PUM1: variants seen among roughly 807,000 people sequenced by gnomAD.
The protein encoded by PUM1 is pumilio homolog 1.
A neutral mutation model predicts 131.8 loss-of-function variants in PUM1; 13 were observed. The observed-to-expected ratio is 0.10, with a 90% confidence interval of 0.06 to 0.16. The LOEUF (loss-of-function observed/expected upper bound fraction) is 0.16, where lower values mean the gene tolerates loss of function less well. Ranked by LOEUF, PUM1 falls within the 10% of genes least tolerant of loss-of-function variation. The pLI, the probability that PUM1 is intolerant of heterozygous loss-of-function variation, is 1.00. For synonymous variants in PUM1, 509 were observed against 556.5 expected (o/e 0.91, Z 1.20); for missense variants, 961 against 1,512.4 (o/e 0.64, Z 6.05).
rs751812172 is a variant in PUM1, at chr1:31,005,954, C to G, written c.619G>C (p.Val207Leu). Residue 207 changes from valine to leucine, a missense_variant, in exon 5 of 22, where the codon GTA becomes CTA. Physicochemically the swap from Val to Leu is conservative, Grantham distance 32. Transcript: ENST00000426105. ...CCACTCTCCGATCGTGGGGACAGTA[C>G]AGAATTGACCTCACTGTTCACATGG... ...SFHVNSEVNS[V>L]LSPRSESGGL... The G allele has an allele frequency of 1.2e-6, 2 of 1,613,848 alleles. No homozygotes were observed. The highest frequency in any genetic ancestry group is 8.5e-7 in the Non-Finnish European group (1 of 1,179,914).
At chr1:31,060,727 A>T (rs1644348767) in intron 1 of PUM1, among the ~76,000 whole-genome samples, 1 of 151,884 alleles carries the variant, frequency 6.6e-6, no homozygotes, top group African/African-American at 2.4e-5. Context: ...CTCTACTGGA[A>T]ATACAAAAAT....
chr1:31,023,921 T>A, intron 3 of PUM1, among the ~76,000 whole-genome samples: 1 of 103,140 alleles, frequency 9.7e-6, no homozygotes. Flanking sequence ...CGAGACTCTG[T>A]CTCAAAAAAA....
chr1:30,987,829 G>A (rs983596428), intron 7 of PUM1, among the ~76,000 whole-genome samples: 7 of 152,106 alleles, frequency 4.6e-5, no homozygotes, highest in Non-Finnish European at 1.0e-4. Context: ...AATTATGATT[G>A]TAGACAACAA....
chr1:30,942,306 G>A (rs1639488398), intron 18 of PUM1, among the ~76,000 whole-genome samples, 183 bp from the exon 19 acceptor site: 1 of 147,462 alleles, frequency 6.8e-6, no homozygotes, highest in African/African-American at 2.6e-5. Context: ...AATAAGGTGT[G>A]TGTGTATCAA....
rs544969566 is a variant in PUM1, at chr1:31,023,289, A to G, written c.432+5507T>C. Among the ~76,000 whole-genome samples, 15 of 152,232 alleles carry G rather than the reference A, an allele frequency of 9.9e-5. No individual in the cohort carries two copies. The East Asian group carries it at 2.9e-3, about 29-fold the overall frequency. On this transcript the variant is annotated intron_variant, in intron 3 of 21. Transcript: ENST00000426105. ...ATTAATTTTTCATCCCTTCAGCAAG[A>G]AAGTCTATATGATTTTGCTGGCAGA...
chr1:31,059,098 G>A, intron 2 of PUM1, 106 bp downstream of exon 2: 1 of 1,292,320 alleles, frequency 7.7e-7, no homozygotes, highest in Non-Finnish European at 1.1e-6. Flanking sequence ...TGTACCAAAT[G>A]AAATCAGCAA....
intron 2 of PUM1, among the ~76,000 whole-genome samples, chr1:31,056,430 A>G (rs375241217): frequency 1.3e-5 from 2 of 151,322 alleles, no homozygotes; most frequent in South Asian, 2.1e-4. Context: ...ACAGGTGTGC[A>G]CCACCATGCC....
intron 7 of PUM1, among the ~76,000 whole-genome samples, chr1:30,984,852 T>C (rs1557570390): frequency 6.6e-6 from 1 of 152,128 alleles, no homozygotes; most frequent in Non-Finnish European, 1.5e-5. Context: ...AATTATGGCT[T>C]TTTTTTTCTA....
rs56936440 is a variant in PUM1, at chr1:30,999,606, C to CAAA, written c.721-4389_721-4387dup. 7.8e-4 allele frequency among the ~76,000 whole-genome samples: 42 copies of CAAA among 53,982 alleles called. 4 individuals carry two copies. The highest frequency in any genetic ancestry group is 2.5e-3 in the African/African-American group (36 of 14,450). The allele number at this position is 53,982 out of a possible 152,430, so 35.4% of individuals were successfully genotyped here. A position where few individuals can be genotyped will look rare whatever the true frequency, so the allele number is the denominator to read the frequency against. ...TGGGTGACAGAGCAAGACTCTGTCT[C>CAAA]AAAAAAAAAAAAAAAAAAAAAAAAA... On this transcript the variant is annotated intron_variant, in intron 5 of 21. Transcript: ENST00000426105.
intron 2 of PUM1, among the ~76,000 whole-genome samples, chr1:31,055,145 C>A (rs956502966): frequency 2.0e-5 from 3 of 152,206 alleles, no homozygotes; most frequent in African/African-American, 7.2e-5. Flanking sequence ...CCCTCTTACA[C>A]CTCCTATCCG....
rs529357214 is a variant in PUM1, at chr1:30,968,344, G to A, written c.1645+10C>T. On this transcript the variant is annotated intron_variant, in intron 11 of 21. Transcript: ENST00000426105. Reference sequence around the variant, plus strand: ...CTGCCAAAGTATTAGGAATAACAATGCAGCCGCACCTGGCATGCCTGCTGC... The same window carrying A: ...CTGCCAAAGTATTAGGAATAACAATACAGCCGCACCTGGCATGCCTGCTGC... 3.8e-6 allele frequency: 6 copies of A among 1,583,550 alleles called. No individual in the cohort carries two copies. The African/African-American group carries it at 5.4e-5, about 14-fold the overall frequency.
At chr1:30,968,069 T>A (rs548137660) in intron 11 of PUM1, 53 of 516,598 alleles carry the variant, frequency 1.0e-4, no homozygotes, top group Non-Finnish European at 1.7e-4. Flanking sequence ...ACTCCATCTA[T>A]CCCTGATTCT....
intron 7 of PUM1, among the ~76,000 whole-genome samples, chr1:30,991,222 A>G (rs975134703): frequency 6.6e-6 from 1 of 152,188 alleles, no homozygotes; most frequent in South Asian, 2.1e-4. Context: ...ACAGAGAGTC[A>G]ATTCATATGG....
chr1:31,017,912 G>T (rs1464786298), intron 3 of PUM1, among the ~76,000 whole-genome samples: 1 of 152,164 alleles, frequency 6.6e-6, no homozygotes, highest in Non-Finnish European at 1.5e-5. Flanking sequence ...GAAAGCAAAT[G>T]AATATTGGGA....
intron 14 of PUM1, among the ~76,000 whole-genome samples, chr1:30,960,245 TC>T (rs1640349620): frequency 1.3e-5 from 2 of 152,218 alleles, no homozygotes; most frequent in African/African-American, 2.4e-5. Context: ...CAGCTGAGCA[TC>T]CTAATATGAA....
chr1:30,940,612 T>C (rs932785570), intron 20 of PUM1, among the ~76,000 whole-genome samples: 2 of 152,216 alleles, frequency 1.3e-5, no homozygotes, highest in Admixed American at 1.3e-4. Flanking sequence ...ATATACAGTA[T>C]CTTCTCAGAA....
chr1:31,040,845 A>C lies in PUM1; in HGVS notation c.364-11981T>G, dbSNP rs1643791886. Among the ~76,000 whole-genome samples the C allele has an allele frequency of 1.3e-5, 2 of 152,204 alleles. 1 individual carries two copies. Among genetic ancestry groups the C allele is most frequent in the African/African-American group, 4.8e-5 (2 of 41,456 alleles). On this transcript the variant is annotated intron_variant, in intron 2 of 21. Coordinates refer to ENST00000426105, the MANE Select transcript of PUM1 (RefSeq NM_001020658.2). ...GAGGAGGAGCTTAGAAGTTATCCCA[A>C]AAGCAACAGGAAAGAAAACGCACAC...
At chr1:31,060,088 T>C (rs773782439) in intron 1 of PUM1, among the ~76,000 whole-genome samples, 1 of 150,086 alleles carries the variant, frequency 6.7e-6, no homozygotes, top group Non-Finnish European at 1.5e-5. Flanking sequence ...CCTCAGGTGA[T>C]CTACCCACCT....
chr1:30,941,913 G>A, intron 19 of PUM1, 85 bp downstream of exon 19: 12 of 1,325,512 alleles, frequency 9.1e-6, no homozygotes, highest in Non-Finnish European at 1.2e-5. Context: ...AACCTCTTCT[G>A]GAACCTACAC....
Sources: allele counts gnomAD v4.1 joint callset (sites outside exome capture counted in the v4.1 genomes callset), GRCh38; gene constraint gnomAD v4.1.1; transcripts MANE v1.5; gene names NCBI Gene and HGNC (gene_info 2026-07-23, HGNC 2026-07-21).